Variants in LEPR observed in about 807,000 individuals in gnomAD.
LEPR encodes the protein leptin receptor, also known as OB receptor.
A neutral mutation model predicts 114.7 loss-of-function variants in LEPR; 56 were observed. The observed-to-expected ratio is 0.49, with a 90% CI of 0.39 to 0.61. The LOEUF (loss-of-function observed/expected upper bound fraction) is 0.61. LEPR is among the 20% of genes least tolerant of loss of function. The probability of loss-of-function intolerance (pLI) is 0.00; values close to 1 mark genes in which losing one functional copy is unlikely to be tolerated. For missense variants in LEPR, 1,202 were observed against 1,352.9 expected, an observed-to-expected ratio of 0.89 and a Z score of 1.75; for synonymous variants, 443 against 461.4, an observed-to-expected ratio of 0.96 and a Z score of 0.51.
chr1:65,592,533 C>A, intron 5 of LEPR, 124 bp from the exon 6 acceptor site: 38 of 720,494 alleles, frequency 5.3e-5, no homozygotes, highest in Middle Eastern at 4.2e-4. Flanking sequence ...TTTTTTTTTT[C>A]AGATACCCTT....
chr1:65,462,054 C>T (rs765740682), intron 2 of LEPR, among the ~76,000 whole-genome samples: 5 of 152,144 alleles, frequency 3.3e-5, no homozygotes, highest in South Asian at 2.1e-4. Context: ...AGGTTTGTTA[C>T]GTAGGTATAC....
At chr1:65,623,533 T>C (rs1658013445) in intron 19 of LEPR, 1 of 152,218 alleles carries the variant, frequency 6.6e-6, no homozygotes. Flanking sequence ...ACTTCTATAG[T>C]AGGATTTTTC....
intron 19 of LEPR, among the ~76,000 whole-genome samples, chr1:65,631,655 A>C (rs1445739061): frequency 6.6e-6 from 1 of 152,100 alleles, no homozygotes; most frequent in African/African-American, 2.4e-5. Context: ...TCAGAATACC[A>C]TTTCTGTTTA....
At position 65,488,226 on chromosome 1, in the gene LEPR, C is replaced by CTCTCTTTCTTTCTTTCTTTCTT. The variant is rs1553157734; in HGVS notation, c.-21+62851_-21+62852insCTTTCTTTCTTTCTTTCTTTCT. Among the ~76,000 whole-genome samples, 19 of 67,962 alleles carry CTCTCTTTCTTTCTTTCTTTCTT rather than the reference C, an allele frequency of 2.8e-4. 2 individuals are homozygous for CTCTCTTTCTTTCTTTCTTTCTT. Among genetic ancestry groups the CTCTCTTTCTTTCTTTCTTTCTT allele is most frequent in the Admixed American group, 1.2e-3 (8 of 6,546 alleles). The allele number at this position is 67,962 out of a possible 152,430, so 44.6% of individuals were successfully genotyped here. On this transcript the variant is annotated intron_variant, in intron 2 of 19. Coordinates refer to ENST00000349533, the MANE Select transcript of LEPR (RefSeq NM_002303.6). ...TTTCTTTCTTTCTCTCTCTCTCTCT[C>CTCTCTTTCTTTCTTTCTTTCTT]TCTTTCTTTCTTTCTTTCTTTCTTT...
chr1:65,553,664 C>T (rs970347150), intron 2 of LEPR, among the ~76,000 whole-genome samples: 1 of 152,028 alleles, frequency 6.6e-6, no homozygotes, highest in African/African-American at 2.4e-5. Context: ...TTAGAACATG[C>T]TTCTTTAGCT....
At chr1:65,450,986 G>A (rs1200010416) in intron 2 of LEPR, among the ~76,000 whole-genome samples, 142 of 149,808 alleles carry the variant, frequency 9.5e-4, no homozygotes, top group Non-Finnish European at 1.5e-3. Flanking sequence ...GTGTGAGATG[G>A]TATCTCATTG....
At position 65,565,580 on chromosome 1, in the gene LEPR, A is replaced by G. The variant is rs780405424; in HGVS notation, c.15A>G (p.Lys5=). 1.9e-6 allele frequency: 3 copies of G among 1,613,930 alleles called. No homozygotes were observed. In the Admixed American group the frequency reaches 5.0e-5, roughly 27 times the overall value. MICQ[K]FCVVLLHWEF... ...TCTGAAGTAAGATGATTTGTCAAAA[A>G]TTCTGTGTGGTTTTGTTACATTGGG... Residue 5 remains lysine, a synonymous_variant, in exon 3 of 20, where the codon AAA becomes AAG. Coordinates refer to ENST00000349533, the MANE Select transcript of LEPR (RefSeq NM_002303.6).
chr1:65,614,381 G>T (rs1451358756), intron 14 of LEPR, among the ~76,000 whole-genome samples: 2 of 152,180 alleles, frequency 1.3e-5, no homozygotes, highest in Non-Finnish European at 1.5e-5. Context: ...TGTGACAAAG[G>T]AATCTACCTG....
chr1:65,431,852 T>G (rs1570436020), intron 2 of LEPR: 1 of 1,614,132 alleles, frequency 6.2e-7, no homozygotes, highest in Non-Finnish European at 8.5e-7. Context: ...GCAGTCATTT[T>G]CCTTACAATT....
rs1658759004 is a variant in LEPR at position 65,637,622 on chromosome 1, C to T, written c.*607C>T. 6.6e-6 allele frequency: 1 copy of T among 152,224 alleles called. No individual in the cohort carries two copies. The highest frequency in any genetic ancestry group is 1.5e-5 in the Non-Finnish European group (1 of 68,092). The allele number at this position is 152,224 out of a possible 1,614,324, so 9.4% of individuals were successfully genotyped here. Reference sequence around the variant, plus strand: ...ATGCCCACAATCAGTATTTTGATGACAACACAAGCACTTTTGAAAACATAA... The same window carrying T: ...ATGCCCACAATCAGTATTTTGATGATAACACAAGCACTTTTGAAAACATAA... On this transcript the variant is annotated 3_prime_UTR_variant, in exon 20 of 20. Transcript: ENST00000349533.
At chr1:65,568,678 GAGTAGATACTT>G (rs934791063) in intron 3 of LEPR, among the ~76,000 whole-genome samples, 2 of 152,022 alleles carry the variant, frequency 1.3e-5, no homozygotes, top group African/African-American at 4.8e-5. Flanking sequence ...CTTTTCCTTT[GAGTAGATACTT>G]AGTAGTGGGA....
chr1:65,517,672 G>C (rs1264980473), intron 2 of LEPR, among the ~76,000 whole-genome samples: 1 of 152,162 alleles, frequency 6.6e-6, no homozygotes, highest in East Asian at 1.9e-4. Flanking sequence ...TCTTCGATGT[G>C]GTAGGGGCCT....
rs1227111566 is a variant in LEPR, at chr1:65,450,574, A to G, written c.-21+25196A>G. Among the ~76,000 whole-genome samples, 8 of 137,310 alleles carry G rather than the reference A, an allele frequency of 5.8e-5. No homozygotes were observed. In the East Asian group the frequency reaches 8.2e-4, roughly 14 times the overall value. The allele number at this position is 137,310 out of a possible 152,430, so 90.1% of individuals were successfully genotyped here. On this transcript the variant is annotated intron_variant, in intron 2 of 19. Transcript: ENST00000349533. ...AGTTTACTGAGAATGATGATTTCCA[A>G]TTTCATCCATGTCCCTACAAAGGAC...
In LEPR at chr1:65,603,358, C is replaced by CAT. The variant is rs1247127876; in HGVS notation, c.1403+1399_1403+1400insTA. Among the ~76,000 whole-genome samples the CAT allele has an allele frequency of 5.3e-5, 8 of 151,930 alleles. No individual in the cohort carries two copies. The East Asian group carries it at 1.4e-3, about 26-fold the overall frequency. ...CCACGCACCACCATTTATTCACACA[C>CAT]ACACACACACACACATTCATGATTG... On this transcript the variant is annotated intron_variant, in intron 10 of 19. Transcript: ENST00000349533.
chr1:65,433,716 T>A, intron 2 of LEPR: 1 of 928,844 alleles, frequency 1.1e-6, no homozygotes, highest in African/African-American at 1.8e-5. Flanking sequence ...ATTAGAAAAA[T>A]TATTTAGATA....
chr1:65,508,768 T>A (rs1257662488), intron 2 of LEPR, among the ~76,000 whole-genome samples: 1 of 152,158 alleles, frequency 6.6e-6, no homozygotes, highest in Non-Finnish European at 1.5e-5. Flanking sequence ...CTCTGTAGAT[T>A]GCTTTGAGTA....
rs191952091 is a variant in LEPR, at chr1:65,542,039, A to C, written c.-20-23507A>C. ...AGTCTGATCTTCCTTTGAAAGCCCA[A>C]ATTATGCTTATTCAGTAGAATATAG... On this transcript the variant is annotated intron_variant, in intron 2 of 19. Transcript: ENST00000349533. 5.3e-5 allele frequency among the ~76,000 whole-genome samples: 8 copies of C among 152,322 alleles called. No homozygotes were observed. The East Asian group carries it at 1.5e-3, about 29-fold the overall frequency.
chr1:65,540,473 C>G (rs149808017), intron 2 of LEPR, among the ~76,000 whole-genome samples: 137 of 152,130 alleles, frequency 9.0e-4, no homozygotes, highest in African/African-American at 3.0e-3. Context: ...GTTAAAGGAG[C>G]CTGGCATCTT....
At chr1:65,481,277 T>C (rs1399611974) in intron 2 of LEPR, among the ~76,000 whole-genome samples, 2 of 152,150 alleles carry the variant, frequency 1.3e-5, no homozygotes, top group Non-Finnish European at 2.9e-5. Context: ...ATTCGAGGAA[T>C]TGAGGATTAA....
Sources: gnomAD v4.1 joint callset for allele counts (sites outside exome capture counted in the v4.1 genomes callset) on GRCh38, gnomAD v4.1.1 for gene constraint, MANE v1.5 for transcripts, NCBI Gene and HGNC (gene_info 2026-07-23, HGNC 2026-07-21) for gene names.